DNER: variants seen among roughly 807,000 people sequenced by gnomAD.
DNER encodes delta/notch like EGF repeat containing.
Under a neutral mutation model 78.2 loss-of-function variants are expected in DNER, and 33 were observed. That is an observed-to-expected ratio of 0.42 (90% CI 0.32 to 0.56). DNER has a LOEUF of 0.56. DNER is among the 20% of genes least tolerant of loss of function. The pLI is 0.11. For synonymous variants in DNER, 417 were observed against 384.8 expected (o/e 1.08, Z -0.98); for missense variants, 918 against 975.3 (o/e 0.94, Z 0.78).
At chr2:229,407,621 G>A (rs1191570007) in intron 9 of DNER, among the ~76,000 whole-genome samples, 4 of 152,208 alleles carry the variant, frequency 2.6e-5, no homozygotes, top group African/African-American at 9.7e-5. Flanking sequence ...CTGGGGAACA[G>A]AAAGTTAAAA....
intron 3 of DNER, among the ~76,000 whole-genome samples, chr2:229,587,865 C>T (rs954450175): frequency 2.6e-5 from 4 of 152,044 alleles, no homozygotes; most frequent in Non-Finnish European, 4.4e-5. Context: ...TCTTCCCCAC[C>T]GGTGACAATG....
chr2:229,367,767 G>A (rs1483120528), intron 11 of DNER, among the ~76,000 whole-genome samples: 1 of 152,120 alleles, frequency 6.6e-6, no homozygotes, highest in Non-Finnish European at 1.5e-5. Flanking sequence ...CAGTTGGAAG[G>A]GTACCCAGAA....
At chr2:229,575,015 G>C (rs1248302732) in intron 4 of DNER, among the ~76,000 whole-genome samples, 1 of 152,092 alleles carries the variant, frequency 6.6e-6, no homozygotes, top group African/African-American at 2.4e-5. Context: ...GAATTCCACA[G>C]ACAAGATTTC....
Position 229,425,460 on chromosome 2 carries a change from C to T in DNER, c.1487-7230G>A, listed in dbSNP as rs1693852920. ...AGGCACGGTGGAGCCCAGATTCCAG[C>T]CCACAGACCCTGACCTGCTCCAGAA... is the stretch of plus-strand genomic sequence containing the variant. On this transcript the variant is annotated intron_variant, in intron 8 of 12. Transcript: ENST00000341772. Among the ~76,000 whole-genome samples, 3 of 152,094 alleles carry T rather than the reference C, an allele frequency of 2.0e-5. No homozygotes were observed. The South Asian group carries it at 6.2e-4, about 32-fold the overall frequency.
At chr2:229,554,924 AGAGAAGAGAAGAGAGAAAAGGGAAGGG>A (rs1696826634) in intron 4 of DNER, among the ~76,000 whole-genome samples, 110 of 50,336 alleles carry the variant, frequency 2.2e-3, no homozygotes, top group African/African-American at 4.0e-3. Flanking sequence ...AGAGAAGAGA[AGAGAAGAGAAGAGAGAAAAGGGAAGGG>A]AAGGGAAGGG....
intron 1 of DNER, among the ~76,000 whole-genome samples, chr2:229,632,402 A>T (rs1698446344): frequency 6.6e-6 from 1 of 152,256 alleles, no homozygotes; most frequent in Non-Finnish European, 1.5e-5. Context: ...CACAAAGCAC[A>T]TCTTTGTGAC....
chr2:229,684,550 A>T (rs1389027079), intron 1 of DNER, among the ~76,000 whole-genome samples: 1 of 152,100 alleles, frequency 6.6e-6, no homozygotes, highest in Non-Finnish European at 1.5e-5. Context: ...AGTGCCAAAC[A>T]TCTCATCGAA....
At chr2:229,420,753 C>G (rs560814169) in intron 8 of DNER, among the ~76,000 whole-genome samples, 1 of 152,018 alleles carries the variant, frequency 6.6e-6, no homozygotes, top group Admixed American at 6.6e-5. Context: ...ACAAAACAAA[C>G]AAAAACAGAA....
At chr2:229,491,158 T>A (rs1249246866) in intron 6 of DNER, among the ~76,000 whole-genome samples, 1 of 152,202 alleles carries the variant, frequency 6.6e-6, no homozygotes, top group Non-Finnish European at 1.5e-5. Context: ...TCGGGCACTG[T>A]GCTCCGGCTC....
At chr2:229,571,627 C>G (rs1697219517) in intron 4 of DNER, among the ~76,000 whole-genome samples, 1 of 152,186 alleles carries the variant, frequency 6.6e-6, no homozygotes, top group African/African-American at 2.4e-5. Context: ...GGGTTCTGCA[C>G]TTTTAACTGC....
intron 7 of DNER, among the ~76,000 whole-genome samples, chr2:229,452,661 C>T (rs111781343): frequency 0.069 from 10,516 of 152,154 alleles, 1,090 homozygotes; most frequent in African/African-American, 0.22. Context: ...TGGAGTCTTG[C>T]TCCGTAGCCC....
intron 1 of DNER, among the ~76,000 whole-genome samples, chr2:229,594,315 G>A (rs543150657): frequency 8.5e-5 from 13 of 152,276 alleles, no homozygotes; most frequent in East Asian, 3.9e-4. Context: ...AGGGCCGGGC[G>A]CGGTGGCTCA....
chr2:229,543,564 T>C (rs182429461), intron 5 of DNER, among the ~76,000 whole-genome samples: 18 of 152,324 alleles, frequency 1.2e-4, no homozygotes, highest in East Asian at 3.9e-4. Context: ...GTGCCAATAT[T>C]AACTTTTTCA....
Position 229,576,042 on chromosome 2 carries a change from A to T in DNER, c.847+9816T>A, listed in dbSNP as rs986980852. Among the ~76,000 whole-genome samples the T allele has an allele frequency of 4.6e-5, 7 of 152,230 alleles. No individual in the cohort carries two copies. In the South Asian group the frequency reaches 1.0e-3, roughly 23 times the overall value. ...ATTTCCTCTGCTTTTGTTCTTTTCA[A>T]ACTATTGCATTGGAACATTCCAATG... On this transcript the variant is annotated intron_variant, in intron 4 of 12. Transcript: ENST00000341772.
chr2:229,418,084 C>A, intron 9 of DNER, 24 bp downstream of exon 9: 4 of 1,614,080 alleles, frequency 2.5e-6, no homozygotes, highest in Non-Finnish European at 3.4e-6. Flanking sequence ...CATTCTGGCA[C>A]AGGAAGGCCA....
At chr2:229,475,109 C>A (rs1293405833) in intron 7 of DNER, among the ~76,000 whole-genome samples, 1 of 152,232 alleles carries the variant, frequency 6.6e-6, no homozygotes, top group Non-Finnish European at 1.5e-5. Context: ...GGCACTTTAT[C>A]TGTCTCAACT....
At chr2:229,592,341 C>T (rs906080174) in intron 1 of DNER, among the ~76,000 whole-genome samples, 8 of 152,176 alleles carry the variant, frequency 5.3e-5, no homozygotes, top group African/African-American at 1.7e-4. Flanking sequence ...TTTATCTGCC[C>T]TGCAGATGTG....
chr2:229,644,132 C>A (rs545579314), intron 1 of DNER, among the ~76,000 whole-genome samples: 3 of 152,182 alleles, frequency 2.0e-5, no homozygotes, highest in East Asian at 1.9e-4. Context: ...GATCACTACA[C>A]TTTTATTAAT....
At chr2:229,618,040 C>G (rs758328728) in intron 1 of DNER, among the ~76,000 whole-genome samples, 2 of 152,226 alleles carry the variant, frequency 1.3e-5, no homozygotes, top group Non-Finnish European at 2.9e-5. Flanking sequence ...GTTGCTACAT[C>G]CATCCAATGG....
Sources: allele counts gnomAD v4.1 joint callset (sites outside exome capture counted in the v4.1 genomes callset), GRCh38; gene constraint gnomAD v4.1.1; transcripts MANE v1.5; gene names NCBI Gene and HGNC (gene_info 2026-07-23, HGNC 2026-07-21).